The following RBBP8NL variants were observed in gnomAD, a reference collection of about 807,000 sequenced individuals.
RBBP8NL encodes RBBP8 N-terminal-like protein.
In RBBP8NL, 59 loss-of-function variants were observed where a neutral mutation model predicts 62.2. The ratio of observed to expected loss-of-function variants is 0.95; its 90% CI spans 0.77 to 1.18. RBBP8NL has a LOEUF of 1.18. Ranked by LOEUF, RBBP8NL falls within the 50% of genes most tolerant of loss-of-function variation. RBBP8NL has a pLI of 0.00. For missense variants in RBBP8NL, 896 were observed against 899.5 expected, an observed-to-expected ratio of 1.00 and a Z score of 0.05; for synonymous variants, 412 against 394.1, an observed-to-expected ratio of 1.05 and a Z score of -0.54.
chr20:62,415,726 G>T (rs1988547346), intron 7 of RBBP8NL, 62 bp downstream of exon 7: 2 of 1,609,416 alleles, frequency 1.2e-6, no homozygotes, highest in Admixed American at 1.7e-5. Flanking sequence ...CCCAGCCCCA[G>T]GGGGAGGATC....
Position 62,413,868 on chromosome 20 carries a change from T to G in RBBP8NL, c.1483A>C (p.Thr495Pro), listed in dbSNP as rs1316243216. ...TRSPQALSNG[T>P]KGTRVPEQEE... ...TGCTCTGGCACTCTGGTCCCCTTGG[T>G]GCCATTGCTGAGTGCCTGGGGACTG... is the stretch of plus-strand genomic sequence containing the variant. Residue 495 changes from threonine to proline, a missense_variant, in exon 10 of 14, where the codon ACC (threonine) becomes CCC (proline). Thr to Pro is a conservative substitution (Grantham distance 38). Coordinates refer to ENST00000252998, the MANE Select transcript of RBBP8NL (RefSeq NM_080833.3). The G allele has an allele frequency of 6.3e-7, 1 of 1,595,906 alleles. No homozygotes were observed. Among genetic ancestry groups the G allele is most frequent in the African/African-American group, 1.3e-5 (1 of 74,608 alleles).
intron 11 of RBBP8NL, 94 bp from the exon 12 acceptor site, chr20:62,412,994 A>T: frequency 7.1e-7 from 1 of 1,414,180 alleles, no homozygotes; most frequent in Non-Finnish European, 9.8e-7. Context: ...AACTCTGCAG[A>T]TGGGGAAACT....
At chr20:62,416,110 T>C in intron 6 of RBBP8NL, 54 bp downstream of exon 6, 1 of 1,550,986 alleles carries the variant, frequency 6.4e-7, no homozygotes, top group Non-Finnish European at 8.8e-7. Flanking sequence ...TGGGTGCTGC[T>C]CGGGGGGTGC....
At chr20:62,421,808 A>C (rs1988706621) in intron 1 of RBBP8NL, among the ~76,000 whole-genome samples, 1 of 130,068 alleles carries the variant, frequency 7.7e-6, no homozygotes, top group South Asian at 2.5e-4. Flanking sequence ...GCCAGTGTGC[A>C]TGTGTGTTTG....
In RBBP8NL at chr20:62,414,277, G is replaced by A. The variant is rs376996149; in HGVS notation, c.1074C>T (p.Leu358=). The A allele has an allele frequency of 9.2e-5, 146 of 1,583,618 alleles. No homozygotes were observed. In the African/African-American group the frequency reaches 1.9e-3, roughly 21 times the overall value. ...DLRLEGALHL[L]LAQQQLRARA... is the part of the protein sequence containing the mutation. ...TAGCCCGCAGCTGCTGCTGGGCCAGGAGCAGGTGCAGTGCCCCCTCCAGGC... is the reference window on the plus strand; with the variant it reads ...TAGCCCGCAGCTGCTGCTGGGCCAGAAGCAGGTGCAGTGCCCCCTCCAGGC... The change falls in exon 10 of 14, where the codon CTC becomes CTT. Residue 358 remains leucine, a synonymous_variant. Transcript: ENST00000252998.
chr20:62,417,179 G>T, intron 4 of RBBP8NL, 45 bp downstream of exon 4: 1 of 1,449,410 alleles, frequency 6.9e-7, no homozygotes, highest in Non-Finnish European at 9.5e-7. Flanking sequence ...CCTCTCCTGA[G>T]CCCACCGGTC....
At position 62,413,400 on chromosome 20, in the gene RBBP8NL, C is replaced by T; in HGVS notation, c.1675+1G>A. On this transcript the variant is annotated splice_donor_variant, in intron 11 of 13. Coordinates refer to ENST00000252998, the MANE Select transcript of RBBP8NL (RefSeq NM_080833.3). LOFTEE classifies it high-confidence loss of function. ...ACTCTGACCCCAGGTGCTGACTGTA[C>T]CTGGGTGGCCGTCCAGGTCAGGCGG... The T allele has an allele frequency of 1.4e-6, 2 of 1,437,474 alleles. No homozygotes were observed. The highest frequency in any genetic ancestry group is 1.8e-6 in the Non-Finnish European group (2 of 1,097,148). 89.0% of individuals were successfully genotyped at this position (1,437,474 alleles called of 1,614,324 possible).
chr20:62,416,905 A>T (rs1354860590), intron 4 of RBBP8NL, 33 bp from the exon 5 acceptor site: 1 of 1,482,512 alleles, frequency 6.7e-7, no homozygotes, highest in Non-Finnish European at 9.1e-7. Flanking sequence ...GGTGTGAGGG[A>T]TGGCACGGAA....
Position 62,419,597 on chromosome 20 carries a change from C to G in RBBP8NL, c.51G>C (p.Lys17Asn), listed in dbSNP as rs752386390. Residue 17 changes from lysine to asparagine, a missense_variant, in exon 2 of 14, where the codon AAG becomes AAC. Physicochemically the swap from Lys to Asn is moderately conservative, Grantham distance 94. Coordinates refer to ENST00000252998, the MANE Select transcript of RBBP8NL (RefSeq NM_080833.3). Reference sequence around the variant, plus strand: ...TCCCTGGCCCCTCACCCAGGACTTCCTTCTCGTGGATCTCCTTCAGCCTGT... The same window carrying G: ...TCCCTGGCCCCTCACCCAGGACTTCGTTCTCGTGGATCTCCTTCAGCCTGT... Reference protein sequence around the residue: ...SLNRLKEIHEKEVLGLQNKLL... With the variant: ...SLNRLKEIHENEVLGLQNKLL... The G allele has an allele frequency of 9.3e-6, 15 of 1,613,480 alleles. No individual in the cohort carries two copies. Among genetic ancestry groups the G allele is most frequent in the Non-Finnish European group, 1.3e-5 (15 of 1,179,912 alleles).
At chr20:62,417,644 A>T (rs1601488425) in intron 3 of RBBP8NL, among the ~76,000 whole-genome samples, 1 of 82,168 alleles carries the variant, frequency 1.2e-5, no homozygotes, top group Non-Finnish European at 2.2e-5. Context: ...CTCCTCTGTG[A>T]CGTCTGTCCC....
intron 5 of RBBP8NL, 131 bp downstream of exon 5, chr20:62,416,629 G>A: frequency 1.5e-6 from 1 of 653,880 alleles, no homozygotes; most frequent in South Asian, 1.9e-5. Context: ...AGATTGGGTT[G>A]TGAGGTTCCC....
rs182604567 is a variant in RBBP8NL, at chr20:62,411,425, C to A, written c.1877-429G>T. On this transcript the variant is annotated intron_variant, in intron 13 of 13. Transcript: ENST00000252998. ...TGCTGGGCTTAGGCCATCTCTGAGGCACAGCAAGCTCAGGCTCTGAGTTGA... is the reference window on the plus strand; with the variant it reads ...TGCTGGGCTTAGGCCATCTCTGAGGAACAGCAAGCTCAGGCTCTGAGTTGA... 1.9e-3 allele frequency among the ~76,000 whole-genome samples: 288 copies of A among 152,362 alleles called. 1 individual carries two copies. Among genetic ancestry groups the A allele is most frequent in the African/African-American group, 6.5e-3 (272 of 41,582 alleles).
chr20:62,417,747 G>C (rs371307908), intron 3 of RBBP8NL, among the ~76,000 whole-genome samples: 1 of 104,088 alleles, frequency 9.6e-6, no homozygotes. Flanking sequence ...GCTCCTCTGT[G>C]ACGTCTGTCC....
At chr20:62,411,303 C>G (rs1184159062) in intron 13 of RBBP8NL, among the ~76,000 whole-genome samples, 1 of 152,216 alleles carries the variant, frequency 6.6e-6, no homozygotes, top group African/African-American at 2.4e-5. Flanking sequence ...TGGCCTGACA[C>G]TGGCTGCGGG....
chr20:62,415,415 C>A, intron 8 of RBBP8NL, 128 bp from the exon 9 acceptor site: 1 of 1,374,862 alleles, frequency 7.3e-7, no homozygotes, highest in Non-Finnish European at 9.9e-7. Flanking sequence ...GCTGCACCCC[C>A]ACCCACGCCA....
chr20:62,416,579 C>G (rs766545671), intron 5 of RBBP8NL, among the ~76,000 whole-genome samples, 181 bp downstream of exon 5: 1 of 152,190 alleles, frequency 6.6e-6, no homozygotes, highest in African/African-American at 2.4e-5. Context: ...TGAGGGAGGG[C>G]CACACCAGCG....
chr20:62,426,101 CGGCAGT>C (rs1016178221), intron 1 of RBBP8NL, among the ~76,000 whole-genome samples: 10 of 147,906 alleles, frequency 6.8e-5, no homozygotes, highest in Non-Finnish European at 1.0e-4. Flanking sequence ...GCAGCGGCAG[CGGCAGT>C]GGCAGTGGCA....
chr20:62,410,804 G>T lies in RBBP8NL; in HGVS notation c.*74C>A. On this transcript the variant is annotated 3_prime_UTR_variant, in exon 14 of 14. Transcript: ENST00000252998. The stretch of plus-strand genomic sequence containing the variant: ...TGCAGGGCTGCCTGCTGGTTGGATG[G>T]TGTGCCCTCTCCAGGCCCTGGTGGG... 1.0e-6 allele frequency: 1 copy of T among 994,038 alleles called. No homozygotes were observed. The allele number at this position is 994,038 out of a possible 1,614,324, so 61.6% of individuals were successfully genotyped here. A position where few individuals can be genotyped will look rare whatever the true frequency, so the allele number is the denominator to read the frequency against.
chr20:62,415,050 G>A, intron 9 of RBBP8NL, 71 bp downstream of exon 9: 2 of 1,376,992 alleles, frequency 1.5e-6, no homozygotes, highest in Non-Finnish European at 9.6e-7. Context: ...CAGAGGGACT[G>A]CCCTGGGACC....
Sources: gnomAD v4.1 joint callset for allele counts (sites outside exome capture counted in the v4.1 genomes callset) on GRCh38, gnomAD v4.1.1 for gene constraint, MANE v1.5 for transcripts, NCBI Gene and HGNC (gene_info 2026-07-23, HGNC 2026-07-21) for gene names.